Variants in ZNF568 observed in about 807,000 individuals in gnomAD.
ZNF568 encodes zinc finger protein 568.
ZNF568 carries 11 observed loss-of-function variants against 18.1 expected under a neutral mutation model. That is an observed-to-expected ratio of 0.61 (90% CI 0.38 to 1.00). The LOEUF (loss-of-function observed/expected upper bound fraction) is 1.00, where lower values mean the gene tolerates loss of function less well. Among genes scored for constraint, ZNF568 ranks in the 50% least tolerant of loss-of-function variants. The pLI, the probability that ZNF568 is intolerant of heterozygous loss-of-function variation, is 0.01. For missense variants in ZNF568, 639 were observed against 768.2 expected (o/e 0.83, Z 1.99); for synonymous variants, 213 against 246.6 (o/e 0.86, Z 1.28).
Position 36,918,770 on chromosome 19 carries a change from A to G in ZNF568, c.-186+1122A>G, listed in dbSNP as rs372288626. 3.9e-5 allele frequency among the ~76,000 whole-genome samples: 6 copies of G among 152,284 alleles called. No homozygotes were observed. In the South Asian group the frequency reaches 6.2e-4, roughly 16 times the overall value. On this transcript the variant is annotated intron_variant, in intron 2 of 6. Coordinates refer to ENST00000333987, the MANE Select transcript of ZNF568 (RefSeq NM_198539.4). ...TCTTCTTGCAAAACAGAAACCCAGT[A>G]CCTATCAAACAATAACTCTGTACCC...
chr19:36,986,432 C>T (rs940956941), intron 2 of ZNF568, among the ~76,000 whole-genome samples: 7 of 152,166 alleles, frequency 4.6e-5, no homozygotes, highest in African/African-American at 1.4e-4. Flanking sequence ...AAATAAGCCT[C>T]AGTGGCTCAG....
At chr19:36,961,276 C>CTT (rs142769873) in intron 6 of ZNF568, among the ~76,000 whole-genome samples, 26 of 131,846 alleles carry the variant, frequency 2.0e-4, no homozygotes, top group Admixed American at 4.5e-4. Flanking sequence ...CCTTCTTTGT[C>CTT]TTTTTTTTTT....
intron 3 of ZNF568, chr19:36,991,743 T>C (rs1470501941): frequency 2.6e-6 from 4 of 1,556,898 alleles, no homozygotes; most frequent in Admixed American, 3.9e-5. Context: ...CCCTTTGTTT[T>C]TGAGCAGGGC....
intron 2 of ZNF568, among the ~76,000 whole-genome samples, chr19:36,986,755 T>C (rs1472482832): frequency 6.6e-6 from 1 of 152,160 alleles, no homozygotes; most frequent in African/African-American, 2.4e-5. Flanking sequence ...GAGAATTTTG[T>C]TGACACAGCT....
chr19:36,973,468 A>G (rs879574913), intron 6 of ZNF568: 64 of 154,440 alleles, frequency 4.1e-4, no homozygotes, highest in Non-Finnish European at 7.7e-4. Context: ...TCGGGATGGG[A>G]GAAGGGTGTC....
intron 6 of ZNF568, among the ~76,000 whole-genome samples, chr19:36,958,100 A>C (rs963503458): frequency 1.3e-5 from 2 of 152,204 alleles, no homozygotes; most frequent in Non-Finnish European, 2.9e-5. Flanking sequence ...AGGTTGAATC[A>C]ATCTTGCATT....
intron 2 of ZNF568, chr19:36,990,970 C>A: frequency 2.0e-6 from 1 of 494,188 alleles, no homozygotes. Context: ...GCTACCTTTG[C>A]AGGAGTAAGC....
intron 4 of ZNF568, among the ~76,000 whole-genome samples, chr19:36,995,163 C>T (rs562867940): frequency 6.6e-5 from 10 of 151,800 alleles, no homozygotes; most frequent in African/African-American, 1.7e-4. Flanking sequence ...TTTGGAAGGC[C>T]GAGGTGGGCA....
At chr19:36,963,184 AT>A (rs2074168407) in intron 6 of ZNF568, among the ~76,000 whole-genome samples, 1 of 152,204 alleles carries the variant, frequency 6.6e-6, no homozygotes, top group Non-Finnish European at 1.5e-5. Flanking sequence ...AATTATTTGT[AT>A]AGATGTATGT....
In ZNF568 at chr19:36,960,062, C is replaced by G. The variant is rs140244372; in HGVS notation, c.359-14358C>G. On this transcript the variant is annotated intron_variant, in intron 6 of 7. Coordinates refer to the ZNF568 transcript ENST00000427117. The stretch of plus-strand genomic sequence containing the variant: ...TTGTGGTTTGGCTTTTTCTTGTTTT[C>G]TAGTTCTTTGAGGTACATTGTTAGA... Among the ~76,000 whole-genome samples the G allele has an allele frequency of 2.0e-4, 27 of 134,742 alleles. No homozygotes were observed. In the East Asian group the frequency reaches 5.7e-3, roughly 28 times the overall value. 88.4% of individuals were successfully genotyped at this position (134,742 alleles called of 152,430 possible).
At chr19:36,945,712 T>C (rs112877156) in intron 6 of ZNF568, among the ~76,000 whole-genome samples, 1,980 of 148,386 alleles carry the variant, frequency 0.013, 45 homozygotes, top group African/African-American at 0.046. Flanking sequence ...GTATATGTAC[T>C]ATATATAAGG....
At chr19:36,997,218 T>C in exon 5 of ZNF568, 1 of 1,608,890 alleles carries the variant, frequency 6.2e-7, no homozygotes, top group Non-Finnish European at 8.5e-7. Flanking sequence ...CCCATGAATG[T>C]AAGGAATGTG....
intron 3 of ZNF568, 151 bp downstream of exon 3, chr19:36,922,997 C>G: frequency 1.6e-6 from 1 of 628,392 alleles, no homozygotes; most frequent in Non-Finnish European, 2.7e-6. Flanking sequence ...ATTCATTTGA[C>G]TATTTGATTT....
downstream of ZNF568, among the ~76,000 whole-genome samples, chr19:36,957,628 C>G (rs902126211): frequency 2.6e-5 from 4 of 152,132 alleles, no homozygotes; most frequent in African/African-American, 4.8e-5. Flanking sequence ...TAAAGGGAAG[C>G]ATGGGCAAGC....
intron 6 of ZNF568, among the ~76,000 whole-genome samples, chr19:36,970,759 A>G (rs1244387128): frequency 6.6e-6 from 1 of 152,180 alleles, no homozygotes; most frequent in Non-Finnish European, 1.5e-5. Context: ...AGCTATAACC[A>G]TCTGGGTATG....
At chr19:36,989,374 G>A (rs529429479) in intron 2 of ZNF568, among the ~76,000 whole-genome samples, 3 of 152,038 alleles carry the variant, frequency 2.0e-5, no homozygotes, top group Admixed American at 2.0e-4. Context: ...GTAGAGACAG[G>A]GTTTCACCAT....
At chr19:36,968,210 A>G (rs968598585) in intron 6 of ZNF568, among the ~76,000 whole-genome samples, 1 of 152,036 alleles carries the variant, frequency 6.6e-6, no homozygotes, top group Non-Finnish European at 1.5e-5. Flanking sequence ...TATATGAGAA[A>G]AATACATACA....
Position 36,949,754 on chromosome 19 carries a change from G to A in ZNF568, c.601G>A (p.Glu201Lys), listed in dbSNP as rs199572797. Residue 201 changes from glutamate to lysine, a missense_variant, in exon 7 of 7, where the codon GAG becomes AAG. Glu to Lys is a moderately conservative substitution (Grantham distance 56). Coordinates refer to ENST00000333987, the MANE Select transcript of ZNF568 (RefSeq NM_198539.4). ...TAGATATGAGAAAGGCTGTGTAAGA[G>A]AGAAACAGAGTAATGAGTTTGGGAA... is the stretch of plus-strand genomic sequence containing the variant. ...LLRYEKGCVR[E>K]KQSNEFGKPF... 6.8e-6 allele frequency: 11 copies of A among 1,613,830 alleles called. No individual in the cohort carries two copies. Among genetic ancestry groups the A allele is most frequent in the Admixed American group, 6.7e-5 (4 of 59,998 alleles).
downstream of ZNF568, chr19:36,997,250 C>T: frequency 6.2e-7 from 1 of 1,607,442 alleles, no homozygotes; most frequent in Non-Finnish European, 8.5e-7. Context: ...ATCTCTGATT[C>T]ACATCTTATT....
Sources: gnomAD v4.1 joint callset for allele counts (sites outside exome capture counted in the v4.1 genomes callset) on GRCh38, gnomAD v4.1.1 for gene constraint, MANE v1.5 for transcripts, NCBI Gene and HGNC (gene_info 2026-07-23, HGNC 2026-07-21) for gene names.